ERC2: variants seen among roughly 807,000 people sequenced by gnomAD.
The protein encoded by ERC2 is ELKS/RAB6-interacting/CAST family member 2.
ERC2 carries 42 observed loss-of-function variants against 114.8 expected under a neutral mutation model. The observed-to-expected ratio is 0.37, with a 90% CI of 0.29 to 0.47. The LOEUF (loss-of-function observed/expected upper bound fraction) is 0.47, where lower values mean the gene tolerates loss of function less well. Ranked by LOEUF, ERC2 falls within the 20% of genes least tolerant of loss-of-function variation. The pLI is 0.99. For missense variants in ERC2, 939 were observed against 1,150.7 expected (o/e 0.82, Z 2.66); for synonymous variants, 454 against 425.5 (o/e 1.07, Z -0.82).
intron 17 of ERC2, among the ~76,000 whole-genome samples, chr3:55,550,819 A>G (rs185665206): frequency 1.3e-4 from 20 of 152,170 alleles, no homozygotes; most frequent in Non-Finnish European, 2.2e-4. Context: ...GATCGAGACC[A>G]TCCTGGCTAA....
chr3:55,528,647 T>G (rs1320806892), intron 17 of ERC2, among the ~76,000 whole-genome samples: 6 of 152,228 alleles, frequency 3.9e-5, no homozygotes, highest in Admixed American at 3.9e-4. Context: ...ATCCATTGTG[T>G]GCAGGTATGG....
intron 14 of ERC2, among the ~76,000 whole-genome samples, chr3:55,862,599 G>A (rs920214105): frequency 2.6e-5 from 4 of 152,152 alleles, no homozygotes; most frequent in African/African-American, 9.7e-5. Context: ...GTTAGAGCAG[G>A]CAAGTACATT....
chr3:56,040,575 G>GTATCTCTATATATGTA (rs1560072240), intron 7 of ERC2, among the ~76,000 whole-genome samples: 2 of 10,738 alleles, frequency 1.9e-4, no homozygotes, highest in African/African-American at 4.7e-4. Flanking sequence ...ATGTATATAT[G>GTATCTCTATATATGTA]TATACATATA....
intron 3 of ERC2, among the ~76,000 whole-genome samples, chr3:56,217,693 C>G (rs1037796747): frequency 2.3e-4 from 35 of 152,154 alleles, no homozygotes; most frequent in African/African-American, 8.0e-4. Flanking sequence ...CAATCCTAAG[C>G]CAAAAGAACA....
chr3:56,249,379 G>A (rs1576075977), intron 3 of ERC2, among the ~76,000 whole-genome samples: 1 of 151,956 alleles, frequency 6.6e-6, no homozygotes, highest in Middle Eastern at 3.4e-3. Flanking sequence ...AGGCTGGAGT[G>A]CAGTGGTGCA....
intron 2 of ERC2, among the ~76,000 whole-genome samples, chr3:56,370,251 C>T (rs1300334592): frequency 6.6e-6 from 1 of 152,218 alleles, no homozygotes; most frequent in African/African-American, 2.4e-5. Flanking sequence ...CTATTGCTAA[C>T]TCTGGCAAAA....
chr3:55,720,374 C>G (rs144337678), intron 15 of ERC2, among the ~76,000 whole-genome samples: 4,450 of 146,716 alleles, frequency 0.03, 225 homozygotes, highest in African/African-American at 0.11. Flanking sequence ...CAGCCTTGAC[C>G]TCCCAGGCTC....
intron 15 of ERC2, among the ~76,000 whole-genome samples, chr3:55,713,131 T>TCTCACA (rs1553638935): frequency 3.6e-5 from 5 of 139,330 alleles, no homozygotes; most frequent in African/African-American, 2.7e-5. Context: ...TCTCTCTGTC[T>TCTCACA]CACACACACA....
intron 2 of ERC2, among the ~76,000 whole-genome samples, chr3:56,404,875 T>C (rs1322622034): frequency 2.6e-5 from 4 of 152,094 alleles, no homozygotes; most frequent in Admixed American, 2.6e-4. Flanking sequence ...AAAATTCAGA[T>C]GAAGAAGCAC....
intron 7 of ERC2, among the ~76,000 whole-genome samples, chr3:56,049,207 G>C (rs2075636238): frequency 6.6e-6 from 1 of 152,168 alleles, no homozygotes; most frequent in African/African-American, 2.4e-5. Flanking sequence ...TGACAAAGAT[G>C]AGGCTGGCTG....
chr3:55,623,249 T>G (rs2059391491), intron 17 of ERC2, among the ~76,000 whole-genome samples: 1 of 152,190 alleles, frequency 6.6e-6, no homozygotes, highest in African/African-American at 2.4e-5. Flanking sequence ...CTGTAAAGAC[T>G]GAAAGAATTA....
intron 17 of ERC2, among the ~76,000 whole-genome samples, chr3:55,587,877 G>C (rs890278327): frequency 5.3e-5 from 8 of 152,300 alleles, no homozygotes; most frequent in African/African-American, 1.7e-4. Flanking sequence ...GGGGTAAGAG[G>C]CTTGGAGAAG....
chr3:55,723,258 G>A (rs991437280), intron 15 of ERC2, among the ~76,000 whole-genome samples: 1 of 152,194 alleles, frequency 6.6e-6, no homozygotes, highest in Non-Finnish European at 1.5e-5. Context: ...ACAATGGAAT[G>A]TAGGAAACTA....
At chr3:55,887,505 C>T (rs932146156) in intron 14 of ERC2, among the ~76,000 whole-genome samples, 3 of 152,140 alleles carry the variant, frequency 2.0e-5, no homozygotes, top group Admixed American at 2.0e-4. Flanking sequence ...TATGTTTCCC[C>T]TTACTGTGGA....
rs578137916 is a variant in ERC2, at chr3:56,128,013, T to C, written c.1473+11496A>G. On this transcript the variant is annotated intron_variant, in intron 6 of 17. Coordinates refer to ENST00000288221, the MANE Select transcript of ERC2 (RefSeq NM_015576.3). Reference sequence around the variant, plus strand: ...AATGTAAAATCCCCGGAGGCGGAGGTTGCAGTGAGCTGAGATCGCCTGCAC... The same window carrying C: ...AATGTAAAATCCCCGGAGGCGGAGGCTGCAGTGAGCTGAGATCGCCTGCAC... Among the ~76,000 whole-genome samples the C allele has an allele frequency of 2.6e-5, 4 of 152,138 alleles. No homozygotes were observed. The East Asian group carries it at 5.8e-4, about 22-fold the overall frequency.
chr3:56,411,941 T>C (rs1422074254), intron 2 of ERC2, among the ~76,000 whole-genome samples: 2 of 152,376 alleles, frequency 1.3e-5, no homozygotes, highest in African/African-American at 4.8e-5. Flanking sequence ...GATTGAATAC[T>C]GGCCCCAAAA....
At chr3:55,724,872 G>A (rs2064813924) in intron 15 of ERC2, among the ~76,000 whole-genome samples, 1 of 152,178 alleles carries the variant, frequency 6.6e-6, no homozygotes, top group African/African-American at 2.4e-5. Flanking sequence ...CTCTACTTTG[G>A]TGGTGGATCT....
intron 14 of ERC2, among the ~76,000 whole-genome samples, chr3:55,868,468 T>C (rs2062426593): frequency 6.6e-6 from 1 of 152,180 alleles, no homozygotes; most frequent in Non-Finnish European, 1.5e-5. Flanking sequence ...GACAAGGGCA[T>C]AATTCAGACA....
intron 4 of ERC2, among the ~76,000 whole-genome samples, chr3:56,155,287 A>C (rs1451415555): frequency 6.6e-6 from 1 of 151,978 alleles, no homozygotes; most frequent in Non-Finnish European, 1.5e-5. Flanking sequence ...AGGAAGGCCA[A>C]TCAGAGTTCT....
Sources: allele counts gnomAD v4.1 joint callset (sites outside exome capture counted in the v4.1 genomes callset), GRCh38; gene constraint gnomAD v4.1.1; transcripts MANE v1.5; gene names NCBI Gene and HGNC (gene_info 2026-07-23, HGNC 2026-07-21).